CD34: variants seen among roughly 807,000 people sequenced by gnomAD.
CD34 encodes CD34 molecule.
In CD34, 34 loss-of-function variants were observed where a neutral mutation model predicts 40.1. The observed-to-expected ratio is 0.85, with a 90% CI of 0.65 to 1.13. CD34 has a LOEUF of 1.13. Among genes scored for constraint, CD34 ranks in the 50% most tolerant of loss-of-function variants. The pLI is 0.00. For synonymous variants in CD34, 209 were observed against 190.0 expected, an observed-to-expected ratio of 1.10 and a Z score of -0.82; for missense variants, 426 against 466.9, an observed-to-expected ratio of 0.91 and a Z score of 0.81.
chr1:207,910,989 G>A lies in CD34; in HGVS notation c.79+13C>T. 2.5e-6 allele frequency: 4 copies of A among 1,571,806 alleles called. No individual in the cohort carries two copies. Among genetic ancestry groups the A allele is most frequent in the East Asian group, 2.3e-5 (1 of 43,288 alleles). ...GCGAAGCCAAGCGGCCGCGGCGCGC[G>A]GGCGGTACTCACGCAGCAAACTCAG... is the stretch of plus-strand genomic sequence containing the variant. On this transcript the variant is annotated intron_variant, in intron 1 of 7. Transcript: ENST00000310833.
At position 207,897,504 on chromosome 1, in the gene CD34, T is replaced by C; in HGVS notation, c.586A>G (p.Thr196Ala). 1 of 1,558,106 alleles carries C rather than the reference T, an allele frequency of 6.4e-7. No individual in the cohort carries two copies. Among genetic ancestry groups the C allele is most frequent in the Non-Finnish European group, 8.7e-7 (1 of 1,149,252 alleles). The change falls in exon 4 of 8, where the codon ACC becomes GCC. Residue 196 changes from threonine (T) to alanine (A), a missense_variant. By Grantham distance (58) the Thr-to-Ala change is moderately conservative. Coordinates refer to ENST00000310833, the MANE Select transcript of CD34 (RefSeq NM_001025109.2). ...TQGICLEQNK[T>A]SSCAEFKKDR... ...GGGGGTTGACTTACACAGCTGGAGGTCTTATTTTGCTCCAGGCAGATGCCC... is the reference window on the plus strand; with the variant it reads ...GGGGGTTGACTTACACAGCTGGAGGCCTTATTTTGCTCCAGGCAGATGCCC...
At position 207,910,801 on chromosome 1, in the gene CD34, T is replaced by C. The variant is rs1053565653; in HGVS notation, c.79+201A>G. On this transcript the variant is annotated intron_variant, in intron 1 of 7. Coordinates refer to ENST00000310833, the MANE Select transcript of CD34 (RefSeq NM_001025109.2). ...GGCTAACGCACACTCGCGGGGGTGA[T>C]GGCCTTCCCTTCCCCTCCCACCCCC... Among the ~76,000 whole-genome samples, 15 of 152,140 alleles carry C rather than the reference T, an allele frequency of 9.9e-5. 1 individual carries two copies. Among genetic ancestry groups the C allele is most frequent in the African/African-American group, 3.6e-4 (15 of 41,418 alleles).
Position 207,886,285 on chromosome 1 carries a change from G to C in CD34, c.*1453C>G, listed in dbSNP as rs1229732084. 6.6e-6 allele frequency: 1 copy of C among 152,190 alleles called. No homozygotes were observed. The highest frequency in any genetic ancestry group is 1.5e-5 in the Non-Finnish European group (1 of 68,070). 9.4% of individuals were successfully genotyped at this position (152,190 alleles called of 1,614,324 possible). A position where few individuals can be genotyped will look rare whatever the true frequency, so the allele number is the denominator to read the frequency against. On this transcript the variant is annotated 3_prime_UTR_variant, in exon 8 of 8. Coordinates refer to ENST00000310833, the MANE Select transcript of CD34 (RefSeq NM_001025109.2). ...GAACCCAACATACCACCCTCCATTTGGAAGCTCCCTGGTACATTCGGGTCT... is the reference window on the plus strand; with the variant it reads ...GAACCCAACATACCACCCTCCATTTCGAAGCTCCCTGGTACATTCGGGTCT...
At chr1:207,903,790 G>A (rs780981527) in intron 1 of CD34, among the ~76,000 whole-genome samples, 13 of 152,178 alleles carry the variant, frequency 8.5e-5, no homozygotes, top group Non-Finnish European at 1.6e-4. Flanking sequence ...CAAATAATAA[G>A]GAGAAGCAAC....
In CD34 at chr1:207,899,998, C is replaced by T; in HGVS notation, c.85G>A (p.Gly29Arg). ...CCGTTGTTGTCAAGACTCATGAACC[C>T]AGAAGCTATAGGGAAACGAGGAGGA... ...ALCLLSLLPS[G>R]FMSLDNNGTA... Residue 29 changes from glycine to arginine, a missense_variant, in exon 2 of 8, where the codon GGG (glycine) becomes AGG (arginine). Transcript: ENST00000310833. The T allele has an allele frequency of 6.2e-7, 1 of 1,607,200 alleles. No individual in the cohort carries two copies. The highest frequency in any genetic ancestry group is 1.3e-5 in the African/African-American group (1 of 74,710).
intron 4 of CD34, among the ~76,000 whole-genome samples, chr1:207,892,103 C>T (rs574606149): frequency 6.6e-6 from 1 of 152,184 alleles, no homozygotes; most frequent in African/African-American, 2.4e-5. Context: ...CTGGTATTCA[C>T]TATCCTTCAA....
rs1206920606 is a variant in CD34 at position 207,887,592 on chromosome 1, G to A, written c.*146C>T. The stretch of plus-strand genomic sequence containing the variant: ...TTTACCTGCCCCTCCTCAAGGTGTA[G>A]GGCCCCAAGAACAGCCTCTGAGGTG... On this transcript the variant is annotated 3_prime_UTR_variant, in exon 8 of 8. Coordinates refer to ENST00000310833, the MANE Select transcript of CD34 (RefSeq NM_001025109.2). The A allele has an allele frequency of 4.3e-6, 5 of 1,152,902 alleles. No individual in the cohort carries two copies. In the East Asian group the frequency reaches 7.7e-5, roughly 18 times the overall value. The allele number at this position is 1,152,902 out of a possible 1,614,324, so 71.4% of individuals were successfully genotyped here.
intron 4 of CD34, among the ~76,000 whole-genome samples, chr1:207,895,942 T>G (rs1252129029): frequency 6.6e-6 from 1 of 152,250 alleles, no homozygotes; most frequent in Non-Finnish European, 1.5e-5. Flanking sequence ...AGTTAACTAT[T>G]TTGCAGACTG....
At chr1:207,889,753 C>CAAAA in intron 4 of CD34, 132 bp from the exon 5 acceptor site, 1 of 1,474,948 alleles carries the variant, frequency 6.8e-7, no homozygotes, top group Admixed American at 2.6e-5. Flanking sequence ...AAAATTCCAA[C>CAAAA]AGAAAAAAAA....
chr1:207,899,354 G>T, intron 2 of CD34, 128 bp from the exon 3 acceptor site: 1 of 934,800 alleles, frequency 1.1e-6, no homozygotes, highest in Non-Finnish European at 1.7e-6. Flanking sequence ...GTTACTTCGT[G>T]TCCCATCCCT....
Position 207,897,578 on chromosome 1 carries a change from A to G in CD34, c.517-5T>C, listed in dbSNP as rs1401216729. 1 of 1,548,320 alleles carries G rather than the reference A, an allele frequency of 6.5e-7. No homozygotes were observed. Among genetic ancestry groups the G allele is most frequent in the South Asian group, 1.2e-5 (1 of 84,054 alleles). On this transcript the variant is annotated splice_region_variant and splice_polypyrimidine_tract_variant and intron_variant, in intron 3 of 7. Coordinates refer to ENST00000310833, the MANE Select transcript of CD34 (RefSeq NM_001025109.2). The stretch of plus-strand genomic sequence containing the variant: ...GCCTGAACATTTGATTTCTGCCTGT[A>G]TTAAAACAAAAACAATAACAAAAAC...
At chr1:207,894,300 C>A (rs558055986) in intron 4 of CD34, among the ~76,000 whole-genome samples, 37 of 152,288 alleles carry the variant, frequency 2.4e-4, no homozygotes, top group African/African-American at 8.9e-4. Context: ...CAACCAGTCA[C>A]ATAACAAGAC....
rs1363355870 is a variant in CD34 at position 207,884,340 on chromosome 1, A to C, written c.*3398T>G. 4 of 152,250 alleles carry C rather than the reference A, an allele frequency of 2.6e-5. No individual in the cohort carries two copies. Among genetic ancestry groups the C allele is most frequent in the Non-Finnish European group, 4.4e-5 (3 of 68,042 alleles). 9.4% of individuals were successfully genotyped at this position (152,250 alleles called of 1,614,324 possible). ...TGAAAACACATGTATATACTTACTG[A>C]GATGACATTGTTTACTGTCCTCTTC... On this transcript the variant is annotated 3_prime_UTR_variant, in exon 8 of 8. Coordinates refer to ENST00000310833, the MANE Select transcript of CD34 (RefSeq NM_001025109.2).
chr1:207,896,152 TA>T (rs1421630126), intron 4 of CD34, among the ~76,000 whole-genome samples: 1 of 152,258 alleles, frequency 6.6e-6, no homozygotes, highest in African/African-American at 2.4e-5. Flanking sequence ...CTTTCCAGTC[TA>T]TGCATGCCAG....
At chr1:207,888,388 C>A (rs534671670) in intron 7 of CD34, among the ~76,000 whole-genome samples, 24 of 152,204 alleles carry the variant, frequency 1.6e-4, no homozygotes, top group African/African-American at 5.8e-4. Flanking sequence ...GATTAAACAG[C>A]CTGTTCTGGT....
At chr1:207,908,258 A>T (rs907491794) in intron 1 of CD34, among the ~76,000 whole-genome samples, 3 of 152,240 alleles carry the variant, frequency 2.0e-5, no homozygotes, top group African/African-American at 7.2e-5. Flanking sequence ...AAGGGATAAG[A>T]AAAAGAGGCC....
At chr1:207,898,183 C>T (rs1662191240) in intron 3 of CD34, among the ~76,000 whole-genome samples, 1 of 151,956 alleles carries the variant, frequency 6.6e-6, no homozygotes, top group Non-Finnish European at 1.5e-5. Flanking sequence ...GTAGCTGGGA[C>T]TACAGGTGCA....
chr1:207,899,327 A>G, intron 2 of CD34, 101 bp from the exon 3 acceptor site: 1 of 1,257,770 alleles, frequency 8.0e-7, no homozygotes, highest in South Asian at 1.4e-5. Context: ...CAGAAAAGGG[A>G]GTTTGGGGAG....
chr1:207,900,147 G>T, intron 1 of CD34, 144 bp from the exon 2 acceptor site: 1 of 621,402 alleles, frequency 1.6e-6, no homozygotes. Flanking sequence ...CATACTCCTG[G>T]ACAGTGGATT....
Sources: allele counts gnomAD v4.1 joint callset (sites outside exome capture counted in the v4.1 genomes callset), GRCh38; gene constraint gnomAD v4.1.1; transcripts MANE v1.5; gene names NCBI Gene and HGNC (gene_info 2026-07-23, HGNC 2026-07-21).